The following CSMD1 variants were observed in gnomAD, a reference collection of about 807,000 sequenced individuals.
CSMD1 encodes CUB and Sushi multiple domains 1.
A neutral mutation model predicts 417.5 loss-of-function variants in CSMD1; 213 were observed. That is an observed-to-expected ratio of 0.51 (90% CI 0.46 to 0.57). The LOEUF (loss-of-function observed/expected upper bound fraction) is 0.57. Among genes scored for constraint, CSMD1 ranks in the 20% least tolerant of loss-of-function variants. CSMD1 has a pLI of 0.00. For synonymous variants in CSMD1, 2,862 were observed against 1,736.8 expected (o/e 1.65, Z -16.11); for missense variants, 6,923 against 4,529.7 (o/e 1.53, Z -15.17).
chr8:3,491,185 G>A (rs1162760112), intron 11 of CSMD1, among the ~76,000 whole-genome samples: 1 of 152,128 alleles, frequency 6.6e-6, no homozygotes, highest in African/African-American at 2.4e-5. Context: ...AGGGAACCAG[G>A]TAAAAAGCAT....
At chr8:3,258,271 A>T (rs765932582) in intron 26 of CSMD1, among the ~76,000 whole-genome samples, 8 of 152,246 alleles carry the variant, frequency 5.3e-5, no homozygotes, top group Non-Finnish European at 1.2e-4. Flanking sequence ...AACCCCATTA[A>T]AACATGGACA....
At chr8:3,689,546 C>A (rs1170454801) in intron 7 of CSMD1, among the ~76,000 whole-genome samples, 1 of 152,152 alleles carries the variant, frequency 6.6e-6, no homozygotes, top group African/African-American at 2.4e-5. Flanking sequence ...GGAGCCATTT[C>A]CATTGACTGT....
intron 2 of CSMD1, among the ~76,000 whole-genome samples, chr8:4,537,723 C>G (rs941547341): frequency 1.3e-5 from 2 of 152,214 alleles, no homozygotes; most frequent in East Asian, 3.9e-4. Context: ...CTTCCCCCAG[C>G]GAAGCCACGG....
At chr8:4,159,801 G>A (rs1296850584) in intron 3 of CSMD1, among the ~76,000 whole-genome samples, 1 of 152,140 alleles carries the variant, frequency 6.6e-6, no homozygotes, top group Non-Finnish European at 1.5e-5. Flanking sequence ...TGTTAGCCAG[G>A]ATAGGGAGAC....
chr8:4,484,836 G>T (rs1179758328), intron 2 of CSMD1, among the ~76,000 whole-genome samples: 1 of 151,932 alleles, frequency 6.6e-6, no homozygotes, highest in East Asian at 1.9e-4. Flanking sequence ...AGCCGGGCAT[G>T]GTGGCAGGCG....
At chr8:3,052,742 AT>A in intron 49 of CSMD1, 95 bp from the exon 50 acceptor site, 4 of 817,472 alleles carry the variant, frequency 4.9e-6, no homozygotes, top group Non-Finnish European at 7.0e-6. Flanking sequence ...TATTGACTCC[AT>A]TTTTCATTAA....
chr8:4,299,356 A>T (rs369594806), intron 3 of CSMD1, among the ~76,000 whole-genome samples: 23 of 152,162 alleles, frequency 1.5e-4, no homozygotes, highest in African/African-American at 5.1e-4. Context: ...TTTACTTGAC[A>T]TATTGTAAGT....
intron 3 of CSMD1, among the ~76,000 whole-genome samples, chr8:4,061,397 T>C (rs1798966264): frequency 6.6e-6 from 1 of 152,180 alleles, no homozygotes; most frequent in Non-Finnish European, 1.5e-5. Context: ...GCACAACAGA[T>C]TAAATCAGCT....
At chr8:3,511,762 A>AAATAACATAACATAACATAACATAAC (rs398112115) in intron 10 of CSMD1, among the ~76,000 whole-genome samples, 1 of 138,346 alleles carries the variant, frequency 7.2e-6, no homozygotes, top group African/African-American at 2.9e-5. Context: ...TCTCTAAAAA[A>AAATAACATAACATAACATAACATAAC]ATAACATAAC....
At chr8:3,952,449 T>A (rs942216720) in intron 5 of CSMD1, among the ~76,000 whole-genome samples, 1 of 152,226 alleles carries the variant, frequency 6.6e-6, no homozygotes, top group African/African-American at 2.4e-5. Context: ...CATAAATTAA[T>A]TGATTCACAT....
intron 2 of CSMD1, among the ~76,000 whole-genome samples, chr8:4,537,634 T>C (rs888629649): frequency 2.0e-5 from 3 of 152,152 alleles, no homozygotes; most frequent in Non-Finnish European, 4.4e-5. Context: ...TCTATAAACA[T>C]TTCAAATTAA....
At chr8:3,577,157 T>G (rs1483590040) in intron 9 of CSMD1, among the ~76,000 whole-genome samples, 1 of 152,188 alleles carries the variant, frequency 6.6e-6, no homozygotes, top group East Asian at 1.9e-4. Flanking sequence ...CATGGCTTTG[T>G]GTCCTAGGTG....
At chr8:3,875,305 C>G (rs906438284) in intron 5 of CSMD1, among the ~76,000 whole-genome samples, 2 of 152,142 alleles carry the variant, frequency 1.3e-5, no homozygotes, top group African/African-American at 2.4e-5. Flanking sequence ...GGATCCTAAA[C>G]TCAAAGAATT....
intron 48 of CSMD1, among the ~76,000 whole-genome samples, chr8:3,088,865 T>C (rs1274020574): frequency 8.1e-6 from 1 of 123,322 alleles, no homozygotes; most frequent in African/African-American, 3.1e-5. Context: ...AAAAAAAAAG[T>C]TAATAAAAAA....
intron 6 of CSMD1, among the ~76,000 whole-genome samples, chr8:3,724,090 A>G (rs1322094156): frequency 7.1e-6 from 1 of 140,354 alleles, no homozygotes; most frequent in African/African-American, 2.5e-5. Flanking sequence ...ATAACAGAGC[A>G]CAGCACATTA....
At chr8:3,474,467 C>T (rs1563073259) in intron 11 of CSMD1, among the ~76,000 whole-genome samples, 1 of 152,046 alleles carries the variant, frequency 6.6e-6, no homozygotes, top group Non-Finnish European at 1.5e-5. Flanking sequence ...GTCACTCATC[C>T]ATCCACCAAA....
At chr8:3,848,336 C>T (rs1585086090) in intron 5 of CSMD1, among the ~76,000 whole-genome samples, 3 of 152,092 alleles carry the variant, frequency 2.0e-5, no homozygotes. Flanking sequence ...TCAAAAGGAG[C>T]AATCTTATTA....
intron 3 of CSMD1, among the ~76,000 whole-genome samples, chr8:4,067,575 A>G (rs926546769): frequency 6.6e-6 from 1 of 152,186 alleles, no homozygotes; most frequent in African/African-American, 2.4e-5. Context: ...AGTTTCAACA[A>G]CAGCATTTTT....
At chr8:3,093,156 G>A (rs1815064773) in intron 47 of CSMD1, among the ~76,000 whole-genome samples, 1 of 152,122 alleles carries the variant, frequency 6.6e-6, no homozygotes, top group Admixed American at 6.5e-5. Flanking sequence ...AAGAGAGAGA[G>A]GGAGGGTCCC....
Sources: gnomAD v4.1 joint callset for allele counts (sites outside exome capture counted in the v4.1 genomes callset) on GRCh38, gnomAD v4.1.1 for gene constraint, MANE v1.5 for transcripts, NCBI Gene and HGNC (gene_info 2026-07-23, HGNC 2026-07-21) for gene names.